Variants in TYRP1 observed in about 807,000 individuals in gnomAD.
TYRP1 encodes tyrosinase related protein 1, also known as 5,6-dihydroxyindole-2-carboxylic acid oxidase.
Under a neutral mutation model 42.8 loss-of-function variants are expected in TYRP1, and 49 were observed. The observed-to-expected ratio is 1.14, with a 90% confidence interval of 0.91 to 1.45. TYRP1 has a LOEUF of 1.45. TYRP1 is among the 40% of genes most tolerant of loss of function. The pLI, the probability that TYRP1 is intolerant of heterozygous loss-of-function variation, is 0.00. For synonymous variants in TYRP1, 279 were observed against 235.4 expected, an observed-to-expected ratio of 1.19 and a Z score of -1.69; for missense variants, 848 against 662.0, an observed-to-expected ratio of 1.28 and a Z score of -3.08.
Position 12,709,082 on chromosome 9 carries a change from G to T in TYRP1, c.1514G>T (p.Arg505Leu). The change falls in exon 8 of 8, where the codon CGC (arginine) becomes CTC (leucine). Residue 505 changes from arginine (R) to leucine (L), a missense_variant. Physicochemically the swap from Arg to Leu is moderately radical, Grantham distance 102. Coordinates refer to ENST00000388918, the MANE Select transcript of TYRP1 (RefSeq NM_000550.3). ...GCTTCTTATCTGATTCGTGCCAGAC[G>T]CAGTATGGATGAAGCTAACCAGCCT... ...GTASYLIRAR[R>L]SMDEANQPLL... 4 of 1,612,728 alleles carry T rather than the reference G, an allele frequency of 2.5e-6. 1 individual carries two copies. Among genetic ancestry groups the T allele is most frequent in the South Asian group, 2.2e-5 (2 of 91,064 alleles).
Position 12,695,596 on chromosome 9 carries a change from A to C in TYRP1, c.467A>C (p.His156Pro). The C allele has an allele frequency of 6.2e-7, 1 of 1,614,094 alleles. No individual in the cohort carries two copies. Among genetic ancestry groups the C allele is most frequent in the Non-Finnish European group, 8.5e-7 (1 of 1,179,998 alleles). ...RALDMAKRTT[H>P]PLFVIATRRS... ...CTGGATATGGCAAAGCGCACAACTCACCCTTTATTTGTCATTGCCACCAGG... is the reference window on the plus strand; with the variant it reads ...CTGGATATGGCAAAGCGCACAACTCCCCCTTTATTTGTCATTGCCACCAGG... Residue 156 changes from histidine (H) to proline (P), a missense_variant, in exon 3 of 8, where the codon CAC (histidine) becomes CCC (proline). By Grantham distance (77) the His-to-Pro change is moderately conservative. Coordinates refer to ENST00000388918, the MANE Select transcript of TYRP1 (RefSeq NM_000550.3).
At position 12,708,958 on chromosome 9, in the gene TYRP1, T is replaced by TAATC. The variant is rs147565972; in HGVS notation, c.1409-18_1409-17insATCA. Reference sequence around the variant, plus strand: ...ATTTTAATATTTGTCTTTTTATTTTTATCTTCCTTTCCAAATAGGTCGGGA... The same window carrying TAATC: ...ATTTTAATATTTGTCTTTTTATTTTTAATCATCTTCCTTTCCAAATAGGTCGGGA... On this transcript the variant is annotated intron_variant, in intron 7 of 7. Transcript: ENST00000388918. 48 of 1,604,506 alleles carry TAATC rather than the reference T, an allele frequency of 3.0e-5. No individual in the cohort carries two copies. Among genetic ancestry groups the TAATC allele is most frequent in the Middle Eastern group, 1.7e-4 (1 of 6,040 alleles).
rs1235854464 is a variant in TYRP1 at position 12,709,136 on chromosome 9, C to G, written c.1568C>G (p.Ala523Gly). 1 of 1,612,584 alleles carries G rather than the reference C, an allele frequency of 6.2e-7. No homozygotes were observed. The highest frequency in any genetic ancestry group is 1.1e-5 in the South Asian group (1 of 91,060). The change falls in exon 8 of 8, where the codon GCT becomes GGT. Residue 523 changes from alanine to glycine, a missense_variant. Physicochemically the swap from Ala to Gly is moderately conservative, Grantham distance 60 (BLOSUM62 0). Coordinates refer to ENST00000388918, the MANE Select transcript of TYRP1 (RefSeq NM_000550.3). Reference sequence around the variant, plus strand: ...CTCACTGATCAGTATCAATGCTATGCTGAAGAATATGAAAAACTCCAGAAT... The same window carrying G: ...CTCACTGATCAGTATCAATGCTATGGTGAAGAATATGAAAAACTCCAGAAT... ...PLLTDQYQCYAEEYEKLQNPN... is the reference protein window; with the variant it reads ...PLLTDQYQCYGEEYEKLQNPN...
rs1286643378 is a variant in TYRP1, at chr9:12,708,029, A to T, written c.1294A>T (p.Ile432Phe). ...CACATTTCCATTGGAAAATGCCCCT[A>T]TTGGACATAATAGACAATACAACAT... ...ISTFPLENAP[I>F]GHNRQYNMVP... is the part of the protein sequence containing the mutation. The change falls in exon 7 of 8, where the codon ATT (isoleucine) becomes TTT (phenylalanine). Residue 432 changes from isoleucine (I) to phenylalanine (F), a missense_variant. Ile to Phe is a conservative substitution (Grantham distance 21, BLOSUM62 0). Coordinates refer to ENST00000388918, the MANE Select transcript of TYRP1 (RefSeq NM_000550.3). 4 of 1,612,446 alleles carry T rather than the reference A, an allele frequency of 2.5e-6. No individual in the cohort carries two copies. The Admixed American group carries it at 5.0e-5, about 20-fold the overall frequency.
chr9:12,695,914 T>A, intron 3 of TYRP1, 77 bp downstream of exon 3: 1 of 1,485,766 alleles, frequency 6.7e-7, no homozygotes. Flanking sequence ...AATTCACTAG[T>A]TTTCAGAATC....
intron 7 of TYRP1, 63 bp downstream of exon 7, chr9:12,708,206 G>A: frequency 1.3e-6 from 2 of 1,578,470 alleles, no homozygotes; most frequent in Non-Finnish European, 8.7e-7. Flanking sequence ...TATCTTTCAA[G>A]TAGAGTAATC....
rs1563851439 is a variant in TYRP1 at position 12,694,076 on chromosome 9, CA to C, written c.82del (p.Arg28AspfsTer9). ...LLFQQARAQF[P>X]RQCATVEALR... ...TTTCAGCAGGCCCGGGCTCAATTCC[CA>C]AGACAGTGTGCCACTGTTGAGGCTT... On this transcript the variant is annotated frameshift_variant, in exon 2 of 8. Transcript: ENST00000388918. LOFTEE classifies it high-confidence loss of function. The C allele has an allele frequency of 1.9e-6, 3 of 1,614,002 alleles. No individual in the cohort carries two copies. The highest frequency in any genetic ancestry group is 2.5e-6 in the Non-Finnish European group (3 of 1,180,010).
At chr9:12,703,352 A>T (rs187866816) in intron 5 of TYRP1, among the ~76,000 whole-genome samples, 1 of 152,078 alleles carries the variant, frequency 6.6e-6, no homozygotes, top group African/African-American at 2.4e-5. Flanking sequence ...TCAAAATTAT[A>T]TGCCATATTA....
intron 6 of TYRP1, 44 bp from the exon 7 acceptor site, chr9:12,707,953 A>G: frequency 1.3e-6 from 2 of 1,551,254 alleles, no homozygotes; most frequent in Non-Finnish European, 1.8e-6. Flanking sequence ...TAGGAATATT[A>G]ATTTTATTAT....
In TYRP1 at chr9:12,698,582, C is replaced by T. The variant is rs750211458; in HGVS notation, c.840C>T (p.Asn280=). 6.2e-7 allele frequency: 1 copy of T among 1,613,814 alleles called. No homozygotes were observed. The highest frequency in any genetic ancestry group is 1.1e-5 in the South Asian group (1 of 91,080). The change falls in exon 4 of 8, where the codon AAC becomes AAT. Residue 280 remains asparagine, a synonymous_variant. Coordinates refer to ENST00000388918, the MANE Select transcript of TYRP1 (RefSeq NM_000550.3). ...TTGATTCCACTCTAATAAGCCCAAA[C>T]TCTGTCTTTTCTCAATGGCGAGTGG... ...SNFDSTLISP[N]SVFSQWRVVC... is the part of the protein sequence containing the mutation.
At chr9:12,693,869 C>A in intron 1 of TYRP1, 43 bp from the exon 2 acceptor site, 1 of 1,343,532 alleles carries the variant, frequency 7.4e-7, no homozygotes, top group South Asian at 1.3e-5. Flanking sequence ...TTTTAAGTAC[C>A]AAGAAAAACT....
chr9:12,703,324 T>C (rs1329691523), intron 5 of TYRP1, among the ~76,000 whole-genome samples: 1 of 151,986 alleles, frequency 6.6e-6, no homozygotes, highest in Non-Finnish European at 1.5e-5. Flanking sequence ...TTATTTTTAA[T>C]TCTCTCACCT....
chr9:12,702,513 T>A, intron 5 of TYRP1, 75 bp downstream of exon 5: 2 of 1,441,748 alleles, frequency 1.4e-6, no homozygotes, highest in South Asian at 2.4e-5. Flanking sequence ...GCAAGTTTCT[T>A]TGAGAAGGCT....
chr9:12,694,771 C>T (rs1021339688), intron 2 of TYRP1, among the ~76,000 whole-genome samples: 1 of 152,100 alleles, frequency 6.6e-6, no homozygotes, highest in Non-Finnish European at 1.5e-5. Flanking sequence ...ATCTACCTAG[C>T]CCTTATATTT....
rs1563857703 is a variant in TYRP1 at position 12,707,686 on chromosome 9, A to C, written c.1262-311A>C. 3.4e-5 allele frequency: 9 copies of C among 263,710 alleles called. No individual in the cohort carries two copies. The South Asian group carries it at 7.1e-4, about 21-fold the overall frequency. 16.3% of individuals were successfully genotyped at this position (263,710 alleles called of 1,614,324 possible). ...TGGCTTTGAAAAATACATTTAATGA[A>C]TTTTATTCAAATTGCTTTATGTAAT... On this transcript the variant is annotated intron_variant, in intron 6 of 7. Transcript: ENST00000388918.
chr9:12,704,438 A>G, intron 5 of TYRP1, 88 bp from the exon 6 acceptor site: 1 of 1,476,094 alleles, frequency 6.8e-7, no homozygotes, highest in Non-Finnish European at 9.2e-7. Flanking sequence ...CCTTGAAAAA[A>G]TTGTTTCCCA....
At chr9:12,705,856 A>G (rs1055778757) in intron 6 of TYRP1, among the ~76,000 whole-genome samples, 1 of 152,036 alleles carries the variant, frequency 6.6e-6, no homozygotes, top group Non-Finnish European at 1.5e-5. Context: ...TCAATCAGTT[A>G]TGAATTCAGT....
chr9:12,701,957 A>C (rs931960988), intron 4 of TYRP1: 2 of 251,612 alleles, frequency 7.9e-6, no homozygotes, highest in African/African-American at 4.6e-5. Flanking sequence ...TTTTCCATGG[A>C]ATTTTCATTT....
chr9:12,705,869 T>C (rs564684704), intron 6 of TYRP1, among the ~76,000 whole-genome samples: 2 of 152,106 alleles, frequency 1.3e-5, no homozygotes, highest in East Asian at 3.9e-4. Flanking sequence ...AATTCAGTTA[T>C]TGCAGTTTCA....
Sources: allele counts gnomAD v4.1 joint callset (sites outside exome capture counted in the v4.1 genomes callset), GRCh38; gene constraint gnomAD v4.1.1; transcripts MANE v1.5; gene names NCBI Gene and HGNC (gene_info 2026-07-23, HGNC 2026-07-21).